The following POU6F2 variants were observed in gnomAD, a reference collection of about 807,000 sequenced individuals.
The protein encoded by POU6F2 is POU class 6 homeobox 2.
POU6F2 carries 31 observed loss-of-function variants against 71.3 expected under a neutral mutation model. That is an observed-to-expected ratio of 0.43 (90% confidence interval 0.33 to 0.59). POU6F2 has a LOEUF of 0.59. Among genes scored for constraint, POU6F2 ranks in the 20% least tolerant of loss-of-function variants. POU6F2 has a pLI of 0.04. For missense variants in POU6F2, 783 were observed against 856.8 expected (o/e 0.91, Z 1.07); for synonymous variants, 347 against 355.7 (o/e 0.98, Z 0.27).
At chr7:39,433,308 C>T (rs1405876190) in intron 7 of POU6F2, 25 bp downstream of exon 7, 1 of 1,613,100 alleles carries the variant, frequency 6.2e-7, no homozygotes, top group Non-Finnish European at 8.5e-7. Context: ...CCAAGGCAGC[C>T]ATGGCACAGG....
chr7:39,034,691 G>A (rs1212011212), intron 1 of POU6F2, among the ~76,000 whole-genome samples: 1 of 152,050 alleles, frequency 6.6e-6, no homozygotes, highest in Non-Finnish European at 1.5e-5. Context: ...AATGCGGGTT[G>A]GCTCAGCTTT....
intron 4 of POU6F2, among the ~76,000 whole-genome samples, chr7:39,269,513 C>G (rs1784307110): frequency 6.6e-6 from 1 of 152,260 alleles, no homozygotes; most frequent in Non-Finnish European, 1.5e-5. Context: ...CACCAGCTGA[C>G]AAGCTGGATA....
chr7:39,066,942 T>C (rs77091553), intron 1 of POU6F2, among the ~76,000 whole-genome samples: 11,114 of 147,768 alleles, frequency 0.075, 502 homozygotes, highest in African/African-American at 0.13. Flanking sequence ...ATAACAGAAA[T>C]ATACCATTAA....
chr7:39,426,105 C>T (rs899952196), intron 6 of POU6F2, among the ~76,000 whole-genome samples: 1 of 152,210 alleles, frequency 6.6e-6, no homozygotes, highest in African/African-American at 2.4e-5. Context: ...CCGGCCCCTC[C>T]TGCTCTCCCT....
At chr7:39,350,257 C>G (rs895560405) in intron 5 of POU6F2, among the ~76,000 whole-genome samples, 1 of 151,858 alleles carries the variant, frequency 6.6e-6, no homozygotes, top group South Asian at 2.1e-4. Flanking sequence ...GCTGCTCTTT[C>G]CAGACATGAG....
At chr7:39,143,201 G>T (rs773007027) in intron 2 of POU6F2, among the ~76,000 whole-genome samples, 6 of 152,148 alleles carry the variant, frequency 3.9e-5, no homozygotes, top group Non-Finnish European at 7.3e-5. Flanking sequence ...CCTCATAATG[G>T]TCAAGTTTAG....
intron 2 of POU6F2, among the ~76,000 whole-genome samples, chr7:39,095,716 T>C (rs1364459532): frequency 6.6e-6 from 1 of 152,134 alleles, no homozygotes; most frequent in Non-Finnish European, 1.5e-5. Context: ...TAAGAAATCC[T>C]GTTGACCAGG....
chr7:39,394,679 T>G (rs74704405), intron 5 of POU6F2, among the ~76,000 whole-genome samples: 2,796 of 152,332 alleles, frequency 0.018, 75 homozygotes, highest in East Asian at 0.11. Flanking sequence ...TATTCTTTTT[T>G]CTATTCCAAC....
In POU6F2 at chr7:39,007,841, A is replaced by G. The variant is rs1243562081; in HGVS notation, c.105+29783A>G. Among the ~76,000 whole-genome samples, 6 of 151,508 alleles carry G rather than the reference A, an allele frequency of 4.0e-5. No homozygotes were observed. The East Asian group carries it at 1.2e-3, about 29-fold the overall frequency. On this transcript the variant is annotated intron_variant, in intron 1 of 9. Transcript: ENST00000518318. ...GTTTTCCAATTTCATCCATGTCCCT[A>G]CAAAGGACATGAACTCATCATTTTT...
intron 4 of POU6F2, among the ~76,000 whole-genome samples, chr7:39,309,618 G>A (rs1785120978): frequency 6.6e-6 from 1 of 152,076 alleles, no homozygotes; most frequent in African/African-American, 2.4e-5. Context: ...AAAACTGAAG[G>A]GCTAGTATAA....
At chr7:39,426,182 G>A (rs1787966908) in intron 6 of POU6F2, among the ~76,000 whole-genome samples, 1 of 152,194 alleles carries the variant, frequency 6.6e-6, no homozygotes, top group African/African-American at 2.4e-5. Flanking sequence ...TTGAGGTGAG[G>A]AAAGGAGAGA....
chr7:39,085,776 A>AGAGAGG, intron 1 of POU6F2, 84 bp from the exon 2 acceptor site: 2 of 1,349,622 alleles, frequency 1.5e-6, no homozygotes, highest in Non-Finnish European at 2.1e-6. Flanking sequence ...GAGAGAGAAG[A>AGAGAGG]GAGAGGGAGA....
chr7:39,206,895 A>C (rs1357548806), intron 3 of POU6F2, among the ~76,000 whole-genome samples: 1 of 152,238 alleles, frequency 6.6e-6, no homozygotes, highest in African/African-American at 2.4e-5. Context: ...GCTAGTGTAC[A>C]TGTCCCCCAG....
intron 4 of POU6F2, among the ~76,000 whole-genome samples, chr7:39,236,498 A>G (rs926855413): frequency 1.3e-5 from 2 of 152,098 alleles, no homozygotes; most frequent in African/African-American, 4.8e-5. Context: ...AATTTGCTGT[A>G]TGATGCTGCC....
At chr7:38,981,878 T>G (rs1788324729) in intron 1 of POU6F2, among the ~76,000 whole-genome samples, 1 of 152,256 alleles carries the variant, frequency 6.6e-6, no homozygotes, top group Admixed American at 6.5e-5. Flanking sequence ...TCTCCATGTA[T>G]GTTTTCTTAT....
chr7:39,329,270 AT>A (rs1785585556), intron 4 of POU6F2: 1 of 148,368 alleles, frequency 6.7e-6, no homozygotes, highest in Non-Finnish European at 1.5e-5. Context: ...ATATAATAAT[AT>A]ATTATTATTA....
chr7:39,054,750 A>G (rs960454098), intron 1 of POU6F2, among the ~76,000 whole-genome samples: 2 of 148,616 alleles, frequency 1.3e-5, no homozygotes, highest in Admixed American at 6.8e-5. Flanking sequence ...ACCACAGCAC[A>G]GGGAAAAGAT....
chr7:39,317,722 GATTATT>G (rs201878561), intron 4 of POU6F2, among the ~76,000 whole-genome samples: 2,087 of 152,270 alleles, frequency 0.014, 38 homozygotes, highest in African/African-American at 0.047. Context: ...TGGCATAAGT[GATTATT>G]GGTTCAACAT....
At chr7:39,140,469 T>C (rs1792473373) in intron 2 of POU6F2, among the ~76,000 whole-genome samples, 1 of 152,214 alleles carries the variant, frequency 6.6e-6, no homozygotes, top group Non-Finnish European at 1.5e-5. Context: ...GTCAGCAGGG[T>C]TGATTCCCTC....
Sources: allele counts gnomAD v4.1 joint callset (sites outside exome capture counted in the v4.1 genomes callset), GRCh38; gene constraint gnomAD v4.1.1; transcripts MANE v1.5; gene names NCBI Gene and HGNC (gene_info 2026-07-23, HGNC 2026-07-21).